Variants in GHR observed in about 807,000 individuals in gnomAD.
GHR encodes growth hormone receptor.
A neutral mutation model predicts 67.1 loss-of-function variants in GHR; 35 were observed. That is an observed-to-expected ratio of 0.52 (90% confidence interval 0.40 to 0.69). GHR has a LOEUF of 0.69. Ranked by LOEUF, GHR falls within the 30% of genes least tolerant of loss-of-function variation. The probability of loss-of-function intolerance (pLI) is 0.00; values close to 1 mark genes in which losing one functional copy is unlikely to be tolerated. For missense variants in GHR, 792 were observed against 764.6 expected, an observed-to-expected ratio of 1.04 and a Z score of -0.42; for synonymous variants, 272 against 269.1, an observed-to-expected ratio of 1.01 and a Z score of -0.10.
intron 1 of GHR, among the ~76,000 whole-genome samples, chr5:42,563,486 C>G (rs1447271008): frequency 6.6e-6 from 1 of 151,834 alleles, no homozygotes; most frequent in Non-Finnish European, 1.5e-5. Context: ...GGCGCGGTGG[C>G]GGGCGCCTGT....
intron 2 of GHR, among the ~76,000 whole-genome samples, chr5:42,617,581 C>T (rs746751222): frequency 2.0e-5 from 3 of 152,130 alleles, no homozygotes; most frequent in Non-Finnish European, 4.4e-5. Flanking sequence ...TCCCCCCTCA[C>T]CTGCTGGCGT....
intron 1 of GHR, chr5:42,548,284 A>G (rs887340848): frequency 2.0e-6 from 2 of 985,322 alleles, no homozygotes; most frequent in Non-Finnish European, 2.4e-6. Flanking sequence ...GTGAAGGTTT[A>G]TATATCAAAG....
At chr5:42,670,988 G>A (rs1756262562) in intron 3 of GHR, among the ~76,000 whole-genome samples, 2 of 151,354 alleles carry the variant, frequency 1.3e-5, no homozygotes, top group African/African-American at 4.9e-5. Flanking sequence ...ACAAACTACA[G>A]GCCAACATCT....
At position 42,424,740 on chromosome 5, in the gene GHR, G is replaced by A. The variant is rs1579672406; in HGVS notation, c.-12+785G>A. The A allele has an allele frequency of 4.3e-6, 4 of 929,172 alleles. No individual in the cohort carries two copies. The highest frequency in any genetic ancestry group is 6.7e-6 in the Non-Finnish European group (4 of 593,086). 57.6% of individuals were successfully genotyped at this position (929,172 alleles called of 1,614,324 possible). A position where few individuals can be genotyped will look rare whatever the true frequency, so the allele number is the denominator to read the frequency against. Reference sequence around the variant, plus strand: ...GCCGCGTGTCTAGGGAGAGGGCGCTGGCGGCGCAGAGGGTGCGGGGCAGGG... The same window carrying A: ...GCCGCGTGTCTAGGGAGAGGGCGCTAGCGGCGCAGAGGGTGCGGGGCAGGG... On this transcript the variant is annotated intron_variant, in intron 1 of 9. Transcript: ENST00000230882. This position sits in a 1 kb window ranked among gnomAD's most constrained non-coding sequence, Gnocchi z 4.1.
At chr5:42,670,622 T>G (rs1436564031) in intron 3 of GHR, among the ~76,000 whole-genome samples, 1 of 151,922 alleles carries the variant, frequency 6.6e-6, no homozygotes, top group Non-Finnish European at 1.5e-5. Context: ...AATCATATAT[T>G]AGATAAGGGG....
chr5:42,473,056 A>C (rs1196452761), intron 1 of GHR, among the ~76,000 whole-genome samples: 1 of 152,236 alleles, frequency 6.6e-6, no homozygotes, highest in Admixed American at 6.5e-5. Context: ...AGAGGTATGA[A>C]TAACCTAAAG....
intron 1 of GHR, among the ~76,000 whole-genome samples, chr5:42,495,662 G>C (rs1746294093): frequency 6.6e-6 from 1 of 152,012 alleles, no homozygotes; most frequent in African/African-American, 2.4e-5. Context: ...CATTTGGGTT[G>C]GATAGAGAGC....
rs180908299 is a variant in GHR, at chr5:42,686,762, C to A, written c.137-2128C>A. Among the ~76,000 whole-genome samples, 426 of 152,214 alleles carry A rather than the reference C, an allele frequency of 2.8e-3. 1 individual carries two copies. The highest frequency in any genetic ancestry group is 9.5e-3 in the African/African-American group (395 of 41,526). ...AGCTAGAAGCATTCCCTTTGAAAAC[C>A]GGCATAAGAAAAGAATGCCCTCTCT... On this transcript the variant is annotated intron_variant, in intron 3 of 9. Coordinates refer to ENST00000230882, the MANE Select transcript of GHR (RefSeq NM_000163.5).
chr5:42,499,083 G>C (rs901781950), intron 1 of GHR, among the ~76,000 whole-genome samples: 1 of 152,232 alleles, frequency 6.6e-6, no homozygotes, highest in Admixed American at 6.5e-5. Context: ...GCATGTGCCA[G>C]TGAAGAGTGG....
At chr5:42,625,004 C>T (rs1753629333) in intron 2 of GHR, among the ~76,000 whole-genome samples, 1 of 152,010 alleles carries the variant, frequency 6.6e-6, no homozygotes, top group Non-Finnish European at 1.5e-5. Flanking sequence ...GTCATAATTC[C>T]TTATTGCATA....
intron 1 of GHR, among the ~76,000 whole-genome samples, chr5:42,456,227 C>T (rs1354947677): frequency 1.3e-5 from 2 of 152,240 alleles, no homozygotes; most frequent in East Asian, 3.8e-4. Context: ...AGGAGAATCG[C>T]TTGAACCTGG....
intron 2 of GHR, among the ~76,000 whole-genome samples, chr5:42,620,185 T>C (rs1205093829): frequency 1.3e-5 from 2 of 152,208 alleles, no homozygotes; most frequent in Non-Finnish European, 2.9e-5. Flanking sequence ...ACACTTGTTA[T>C]AGGATCTGAT....
At chr5:42,619,630 A>G (rs1289252677) in intron 2 of GHR, 2 of 152,106 alleles carry the variant, frequency 1.3e-5, no homozygotes, top group African/African-American at 4.8e-5. Flanking sequence ...CAGCAACTCT[A>G]ACTCAGGATT....
At chr5:42,698,136 T>C (rs1377429719) in intron 5 of GHR, among the ~76,000 whole-genome samples, 1 of 152,132 alleles carries the variant, frequency 6.6e-6, no homozygotes, top group Non-Finnish European at 1.5e-5. Flanking sequence ...TGGGGATATA[T>C]TAAGTTTCAG....
chr5:42,659,174 A>G (rs569316585), intron 3 of GHR: 23 of 152,170 alleles, frequency 1.5e-4, no homozygotes, highest in Non-Finnish European at 2.9e-4. Context: ...GCAACTGTAT[A>G]AGCAGGTATT....
At chr5:42,696,530 C>T (rs1228889276) in intron 5 of GHR, among the ~76,000 whole-genome samples, 1 of 152,150 alleles carries the variant, frequency 6.6e-6, no homozygotes, top group East Asian at 1.9e-4. Flanking sequence ...ACTTGCCTTT[C>T]AGTAACTACT....
intron 1 of GHR, among the ~76,000 whole-genome samples, chr5:42,503,278 T>C (rs1746619020): frequency 6.6e-6 from 1 of 152,142 alleles, no homozygotes; most frequent in African/African-American, 2.4e-5. Context: ...ATGATCTCAT[T>C]CAGAAATGGG....
rs745501293 is a variant in GHR, at chr5:42,586,393, GA to G, written c.70+20454del. On this transcript the variant is annotated intron_variant, in intron 2 of 9. Transcript: ENST00000230882. ...CCAACAGTAATGGGCTTTATGGCAA[GA>G]AAAAGCTTTTTTCTCAATAAATGGG... Among the ~76,000 whole-genome samples the G allele has an allele frequency of 1.5e-4, 23 of 152,278 alleles. No homozygotes were observed. The East Asian group carries it at 1.9e-3, about 13-fold the overall frequency.
In GHR at chr5:42,709,216, C is replaced by G. The variant is rs144048211; in HGVS notation, c.619-1991C>G. 9.1e-3 allele frequency among the ~76,000 whole-genome samples: 1,389 copies of G among 152,284 alleles called. 21 individuals carry two copies. Among genetic ancestry groups the G allele is most frequent in the African/African-American group, 0.032 (1,326 of 41,564 alleles). On this transcript the variant is annotated intron_variant, in intron 6 of 9. Transcript: ENST00000230882. ...TGGCCCAATCTCGGCTCACTGCAAC[C>G]TCCACCTCCAGAGTTCAAGTGATTC...
Sources: allele counts gnomAD v4.1 joint callset (sites outside exome capture counted in the v4.1 genomes callset), GRCh38; gene constraint gnomAD v4.1.1; non-coding constraint Gnocchi (gnomAD v3.1); transcripts MANE v1.5; gene names NCBI Gene and HGNC (gene_info 2026-07-23, HGNC 2026-07-21).